Variants in FHIT observed in about 807,000 individuals in gnomAD.
FHIT encodes the protein bis(5'-adenosyl)-triphosphatase.
FHIT carries 19 observed loss-of-function variants against 17.9 expected under a neutral mutation model. The observed-to-expected ratio is 1.06, with a 90% confidence interval of 0.74 to 1.56. FHIT has a LOEUF of 1.56. Among genes scored for constraint, FHIT ranks in the 40% most tolerant of loss-of-function variants. The pLI, the probability that FHIT is intolerant of heterozygous loss-of-function variation, is 0.00. For missense variants in FHIT, 248 were observed against 189.2 expected (o/e 1.31, Z -1.82); for synonymous variants, 81 against 69.7 (o/e 1.16, Z -0.81).
chr3:60,765,673 T>C (rs1553721234), intron 4 of FHIT: 3 of 152,250 alleles, frequency 2.0e-5, no homozygotes, highest in Non-Finnish European at 4.4e-5. Flanking sequence ...GATGCCTAGA[T>C]GGCTGGTGGA....
At chr3:60,447,558 A>G (rs1476073216) in intron 5 of FHIT, among the ~76,000 whole-genome samples, 1 of 152,156 alleles carries the variant, frequency 6.6e-6, no homozygotes, top group Non-Finnish European at 1.5e-5. Context: ...GAAACTTCAA[A>G]TAACCATAAA....
chr3:60,578,254 T>A (rs113703194), intron 4 of FHIT, among the ~76,000 whole-genome samples: 2 of 151,948 alleles, frequency 1.3e-5, no homozygotes, highest in Admixed American at 1.3e-4. Context: ...CTGGCCAACA[T>A]GGTGAATCCC....
At chr3:60,635,899 T>G (rs536052809) in intron 4 of FHIT, among the ~76,000 whole-genome samples, 1 of 152,144 alleles carries the variant, frequency 6.6e-6, no homozygotes, top group Non-Finnish European at 1.5e-5. Context: ...AAGAATACTT[T>G]AAATACATAA....
chr3:60,312,101 T>G (rs1708975713), intron 5 of FHIT, among the ~76,000 whole-genome samples: 1 of 152,204 alleles, frequency 6.6e-6, no homozygotes, highest in South Asian at 2.1e-4. Flanking sequence ...AAACCTTTAA[T>G]TATATATGTG....
intron 5 of FHIT, among the ~76,000 whole-genome samples, chr3:60,441,118 C>G (rs1012387581): frequency 8.6e-5 from 13 of 151,958 alleles, no homozygotes; most frequent in African/African-American, 3.1e-4. Context: ...GGTGATATCA[C>G]TATCTTTACC....
At chr3:60,863,458 A>G (rs368284818) in intron 3 of FHIT, among the ~76,000 whole-genome samples, 4 of 152,216 alleles carry the variant, frequency 2.6e-5, no homozygotes, top group East Asian at 1.9e-4. Context: ...CAGTAATAGA[A>G]GACTAATAAA....
At chr3:60,195,062 G>A (rs13067663) in intron 5 of FHIT, among the ~76,000 whole-genome samples, 31,523 of 151,882 alleles carry the variant, frequency 0.21, 3,892 homozygotes, top group East Asian at 0.51. Flanking sequence ...GCTACTCAGG[G>A]GGCTGAGGCA....
chr3:59,796,453 G>C (rs942354166), intron 8 of FHIT, among the ~76,000 whole-genome samples: 4 of 152,014 alleles, frequency 2.6e-5, no homozygotes, highest in Non-Finnish European at 5.9e-5. Flanking sequence ...GTCTCTCCTC[G>C]AATGTCAGTC....
intron 8 of FHIT, among the ~76,000 whole-genome samples, chr3:59,811,796 T>G (rs1700414772): frequency 6.6e-6 from 1 of 152,212 alleles, no homozygotes; most frequent in Non-Finnish European, 1.5e-5. Flanking sequence ...TTACTGCCAC[T>G]GTGATAGCCA....
At chr3:60,707,468 C>G (rs1418176653) in intron 4 of FHIT, among the ~76,000 whole-genome samples, 1 of 152,072 alleles carries the variant, frequency 6.6e-6, no homozygotes, top group African/African-American at 2.4e-5. Context: ...ACAACTTTAA[C>G]TAGGTGGAAT....
At chr3:60,391,086 G>T (rs189622029) in intron 5 of FHIT, among the ~76,000 whole-genome samples, 2 of 152,090 alleles carry the variant, frequency 1.3e-5, no homozygotes, top group African/African-American at 4.8e-5. Context: ...TTCTCATGAG[G>T]CTGAAGGACG....
At chr3:59,870,789 AGCAGACACAC>A (rs1702881401) in intron 8 of FHIT, among the ~76,000 whole-genome samples, 1 of 152,168 alleles carries the variant, frequency 6.6e-6, no homozygotes, top group Admixed American at 6.5e-5. Flanking sequence ...TATTGCTAGA[AGCAGACACAC>A]ATAGGCACAT....
intron 4 of FHIT, among the ~76,000 whole-genome samples, chr3:60,572,787 G>C (rs782308875): frequency 2.0e-5 from 3 of 152,138 alleles, no homozygotes; most frequent in African/African-American, 7.2e-5. Flanking sequence ...CTAGCACAGG[G>C]GTTAATGTTG....
intron 5 of FHIT, among the ~76,000 whole-genome samples, chr3:60,445,198 C>A (rs1313701029): frequency 6.6e-6 from 1 of 152,032 alleles, no homozygotes. Context: ...GATTCTGATT[C>A]ACTAGGTCTG....
chr3:61,250,645 T>C (rs1172156620), intron 1 of FHIT, among the ~76,000 whole-genome samples: 1 of 151,978 alleles, frequency 6.6e-6, no homozygotes, highest in East Asian at 1.9e-4. Flanking sequence ...ACCTGCCTCC[T>C]TACCCCCCAC....
intron 3 of FHIT, among the ~76,000 whole-genome samples, chr3:60,870,847 G>T (rs1704383495): frequency 6.6e-6 from 1 of 152,090 alleles, no homozygotes; most frequent in African/African-American, 2.4e-5. Flanking sequence ...TCCCCCATGG[G>T]TAAGACCATG....
rs12330305 is a variant in FHIT at position 60,952,172 on chromosome 3, C to A, written c.-111+89875G>T. ...AGAGCAAAACTCCGTCCTCCCCACC[C>A]CCCCCCCAAAAAAAAAAAAGAGATT... is the stretch of plus-strand genomic sequence containing the variant. On this transcript the variant is annotated intron_variant, in intron 3 of 9. Coordinates refer to ENST00000492590, the MANE Select transcript of FHIT (RefSeq NM_002012.4). Among the ~76,000 whole-genome samples, 43 of 137,496 alleles carry A rather than the reference C, an allele frequency of 3.1e-4. No individual in the cohort carries two copies. The South Asian group carries it at 5.8e-3, about 19-fold the overall frequency. 90.2% of individuals were successfully genotyped at this position (137,496 alleles called of 152,430 possible). A position where few individuals can be genotyped will look rare whatever the true frequency, so the allele number is the denominator to read the frequency against.
At chr3:61,052,717 G>T (rs1227633538) in intron 2 of FHIT, among the ~76,000 whole-genome samples, 1 of 152,120 alleles carries the variant, frequency 6.6e-6, no homozygotes, top group Non-Finnish European at 1.5e-5. Flanking sequence ...CCAGGACAAG[G>T]ACCACCCTTT....
chr3:60,569,588 C>T (rs1053548646), intron 4 of FHIT, among the ~76,000 whole-genome samples: 4 of 151,492 alleles, frequency 2.6e-5, no homozygotes, highest in Non-Finnish European at 5.9e-5. Context: ...GTCAGAACGC[C>T]TGGGTTCTTA....
Sources: gnomAD v4.1 joint callset for allele counts (sites outside exome capture counted in the v4.1 genomes callset) on GRCh38, gnomAD v4.1.1 for gene constraint, MANE v1.5 for transcripts, NCBI Gene and HGNC (gene_info 2026-07-23, HGNC 2026-07-21) for gene names.